The following SLC35F4 variants were observed in gnomAD, a reference collection of about 807,000 sequenced individuals.
SLC35F4 encodes the protein solute carrier family 35 member F4.
In SLC35F4, 24 loss-of-function variants were observed where a neutral mutation model predicts 44.2. The observed-to-expected ratio is 0.54, with a 90% CI of 0.39 to 0.76. The LOEUF (loss-of-function observed/expected upper bound fraction) is 0.76, where lower values mean the gene tolerates loss of function less well. Ranked by LOEUF, SLC35F4 falls within the 30% of genes least tolerant of loss-of-function variation. The pLI, the probability that SLC35F4 is intolerant of heterozygous loss-of-function variation, is 0.00. For missense variants in SLC35F4, 562 were observed against 586.1 expected (o/e 0.96, Z 0.42); for synonymous variants, 238 against 223.6 (o/e 1.06, Z -0.57).
chr14:57,596,543 C>T (rs1484360524), intron 1 of SLC35F4: 1 of 361,438 alleles, frequency 2.8e-6, no homozygotes, highest in Non-Finnish European at 5.4e-6. Context: ...GCCTTCTCCT[C>T]TTTTCTCAGG....
chr14:57,669,225 T>C (rs917554816), intron 1 of SLC35F4, among the ~76,000 whole-genome samples: 1 of 151,912 alleles, frequency 6.6e-6, no homozygotes, highest in South Asian at 2.1e-4. Context: ...TTAAGGAGAT[T>C]TTGGGCTGAG....
intron 1 of SLC35F4, among the ~76,000 whole-genome samples, chr14:57,936,647 T>C (rs909307659): frequency 1.1e-4 from 17 of 152,162 alleles, no homozygotes; most frequent in Non-Finnish European, 1.8e-4. Context: ...CAAAGGACAA[T>C]CCCCTACAAT....
intron 1 of SLC35F4, among the ~76,000 whole-genome samples, chr14:57,605,871 A>C (rs1252297745): frequency 6.6e-6 from 1 of 152,218 alleles, no homozygotes; most frequent in African/African-American, 2.4e-5. Context: ...CCAAAAACCA[A>C]ATACCACATG....
intron 1 of SLC35F4, among the ~76,000 whole-genome samples, chr14:57,857,577 C>T (rs114522768): frequency 2.0e-5 from 3 of 151,878 alleles, no homozygotes; most frequent in Non-Finnish European, 1.5e-5. Flanking sequence ...CTTTATTGAG[C>T]AACAAAATAT....
chr14:57,667,903 T>C (rs7158447), intron 1 of SLC35F4, among the ~76,000 whole-genome samples: 69,606 of 124,004 alleles, frequency 0.56, 20,304 homozygotes, highest in South Asian at 0.65. Context: ...CCTGAGGAAT[T>C]GCCACACTGT....
intron 1 of SLC35F4, among the ~76,000 whole-genome samples, chr14:57,791,329 A>G (rs1224369675): frequency 1.3e-5 from 2 of 152,256 alleles, no homozygotes; most frequent in Non-Finnish European, 2.9e-5. Flanking sequence ...GACAAAGGAT[A>G]TGAACACTTT....
At chr14:57,818,883 A>G (rs1882882602) in intron 1 of SLC35F4, among the ~76,000 whole-genome samples, 1 of 152,220 alleles carries the variant, frequency 6.6e-6, no homozygotes, top group Admixed American at 6.5e-5. Context: ...CAATTCTGCC[A>G]ATAACCTGAT....
chr14:57,915,950 A>C (rs1249692614), intron 1 of SLC35F4, among the ~76,000 whole-genome samples: 2 of 152,086 alleles, frequency 1.3e-5, no homozygotes, highest in Non-Finnish European at 2.9e-5. Flanking sequence ...CACCACTCCC[A>C]CATTTTCAGA....
intron 1 of SLC35F4, among the ~76,000 whole-genome samples, chr14:57,771,768 A>AT (rs1258949089): frequency 1.3e-5 from 2 of 152,052 alleles, no homozygotes; most frequent in Admixed American, 6.6e-5. Context: ...TAAACAAAAT[A>AT]TTTTTTGGAG....
At chr14:57,637,019 A>T (rs1176123938) in intron 1 of SLC35F4, among the ~76,000 whole-genome samples, 1 of 152,126 alleles carries the variant, frequency 6.6e-6, no homozygotes, top group Non-Finnish European at 1.5e-5. Flanking sequence ...CTAGTCAAGG[A>T]GTGCTTCATC....
chr14:57,764,878 C>A (rs2077200125), intron 1 of SLC35F4, among the ~76,000 whole-genome samples: 1 of 152,154 alleles, frequency 6.6e-6, no homozygotes, highest in Admixed American at 6.5e-5. Flanking sequence ...AGAGGTATAG[C>A]TTTGTAGATA....
chr14:57,965,707 C>T (rs1184714294), intron 1 of SLC35F4, among the ~76,000 whole-genome samples: 1 of 152,148 alleles, frequency 6.6e-6, no homozygotes, highest in South Asian at 2.1e-4. Context: ...TTATTAGTAC[C>T]TAAAAGGCTG....
At chr14:57,947,081 T>C (rs1348044358) in intron 1 of SLC35F4, among the ~76,000 whole-genome samples, 4 of 152,182 alleles carry the variant, frequency 2.6e-5, no homozygotes, top group Admixed American at 1.3e-4. Context: ...AGTATAGTTA[T>C]TTTCACGATA....
chr14:57,767,342 T>A (rs966113584), intron 1 of SLC35F4, among the ~76,000 whole-genome samples: 1 of 152,166 alleles, frequency 6.6e-6, no homozygotes, highest in African/African-American at 2.4e-5. Flanking sequence ...CTAACAAATT[T>A]AAAGAATTAA....
intron 1 of SLC35F4, among the ~76,000 whole-genome samples, chr14:57,901,942 T>C (rs1889009327): frequency 6.6e-6 from 1 of 152,158 alleles, no homozygotes; most frequent in African/African-American, 2.4e-5. Context: ...TACTCAGTAC[T>C]GTCTCTCATG....
At chr14:57,965,938 G>A (rs1183191426) in intron 1 of SLC35F4, among the ~76,000 whole-genome samples, 1 of 152,022 alleles carries the variant, frequency 6.6e-6, no homozygotes, top group Non-Finnish European at 1.5e-5. Context: ...TAATCTCTGG[G>A]CCAACGAAAA....
chr14:57,848,314 A>C (rs1215988248), intron 1 of SLC35F4, among the ~76,000 whole-genome samples: 1 of 152,210 alleles, frequency 6.6e-6, no homozygotes, highest in Non-Finnish European at 1.5e-5. Context: ...GAAGATGCTC[A>C]AACAAAACTC....
At chr14:57,945,663 G>A (rs891595682) in intron 1 of SLC35F4, among the ~76,000 whole-genome samples, 1 of 151,972 alleles carries the variant, frequency 6.6e-6, no homozygotes, top group African/African-American at 2.4e-5. Flanking sequence ...GGATCAAATG[G>A]TAGTTCTACT....
At chr14:57,741,661 C>T (rs1292681491) in intron 1 of SLC35F4, among the ~76,000 whole-genome samples, 2 of 152,194 alleles carry the variant, frequency 1.3e-5, no homozygotes, top group African/African-American at 4.8e-5. Flanking sequence ...GGAAAACACT[C>T]AGCAGGATAT....
Sources: gnomAD v4.1 joint callset for allele counts (sites outside exome capture counted in the v4.1 genomes callset) on GRCh38, gnomAD v4.1.1 for gene constraint, MANE v1.5 for transcripts, NCBI Gene and HGNC (gene_info 2026-07-23, HGNC 2026-07-21) for gene names.